SYT1: variants seen among roughly 807,000 people sequenced by gnomAD.
SYT1 encodes the protein synaptotagmin-1.
In SYT1, 8 loss-of-function variants were observed where a neutral mutation model predicts 44.8. The ratio of observed to expected loss-of-function variants is 0.18; its 90% confidence interval spans 0.10 to 0.32. The LOEUF (loss-of-function observed/expected upper bound fraction) is 0.32, where lower values mean the gene tolerates loss of function less well. Among genes scored for constraint, SYT1 ranks in the 10% least tolerant of loss-of-function variants. The pLI is 1.00. For missense variants in SYT1, 286 were observed against 509.3 expected (o/e 0.56, Z 4.22); for synonymous variants, 154 against 188.8 (o/e 0.82, Z 1.51).
chr12:78,911,215 T>C (rs185203390), intron 1 of SYT1, among the ~76,000 whole-genome samples: 86 of 152,094 alleles, frequency 5.7e-4, no homozygotes, highest in African/African-American at 2.0e-3. Context: ...TGTTATTCAT[T>C]GAGATAGAAA....
At chr12:78,875,231 G>A (rs1317889979) in intron 1 of SYT1, among the ~76,000 whole-genome samples, 2 of 151,348 alleles carry the variant, frequency 1.3e-5, no homozygotes, top group East Asian at 1.9e-4. Context: ...ATATTTCTTC[G>A]GTAAGTATGA....
chr12:78,998,438 T>A (rs1161799347), intron 2 of SYT1, among the ~76,000 whole-genome samples: 1 of 152,198 alleles, frequency 6.6e-6, no homozygotes, highest in East Asian at 1.9e-4. Context: ...ATCTGGATTA[T>A]GAGCACTCTG....
At chr12:78,920,698 C>T (rs1345392665) in intron 1 of SYT1, among the ~76,000 whole-genome samples, 1 of 151,906 alleles carries the variant, frequency 6.6e-6, no homozygotes, top group East Asian at 1.9e-4. Flanking sequence ...AATTCAAAAC[C>T]TTCTATGATC....
intron 3 of SYT1, among the ~76,000 whole-genome samples, chr12:79,065,106 C>T (rs1266081785): frequency 1.3e-5 from 2 of 152,166 alleles, no homozygotes; most frequent in Admixed American, 6.5e-5. Flanking sequence ...AGCGTAGTGG[C>T]TTGTGCCTGT....
chr12:79,179,121 GATATAGAT>G (rs1261932225), intron 3 of SYT1, among the ~76,000 whole-genome samples: 67 of 121,908 alleles, frequency 5.5e-4, no homozygotes, highest in African/African-American at 1.1e-3. Context: ...TATAGATATA[GATATAGAT>G]ATATAGATAT....
chr12:79,070,582 C>T (rs1876200461), intron 3 of SYT1, among the ~76,000 whole-genome samples: 2 of 151,924 alleles, frequency 1.3e-5, no homozygotes, highest in South Asian at 2.1e-4. Context: ...ATTTTTTAGG[C>T]GTTTTTCTCT....
rs764632637 is a variant in SYT1, at chr12:79,059,625, G to T, written c.-18+12263G>T. Among the ~76,000 whole-genome samples the T allele has an allele frequency of 4.6e-5, 7 of 152,074 alleles. No individual in the cohort carries two copies. In the South Asian group the frequency reaches 1.5e-3, roughly 32 times the overall value. On this transcript the variant is annotated intron_variant, in intron 3 of 10. Transcript: ENST00000261205. Reference sequence around the variant, plus strand: ...AAAATGTTTTCAGTAATAACTCCATGCACAATGATCAAACAAATGCTGTAC... The same window carrying T: ...AAAATGTTTTCAGTAATAACTCCATTCACAATGATCAAACAAATGCTGTAC...
At chr12:79,116,497 T>C (rs1157748771) in intron 3 of SYT1, among the ~76,000 whole-genome samples, 1 of 152,212 alleles carries the variant, frequency 6.6e-6, no homozygotes, top group Non-Finnish European at 1.5e-5. Context: ...CTTATTTGTG[T>C]CTTATTTCAT....
At chr12:79,213,590 CT>C (rs1354849623) in intron 3 of SYT1, among the ~76,000 whole-genome samples, 1 of 152,154 alleles carries the variant, frequency 6.6e-6, no homozygotes, top group African/African-American at 2.4e-5. Flanking sequence ...AGTAGAATAT[CT>C]TTTTTTCTGA....
rs867596494 is a variant in SYT1, at chr12:78,922,152, A to T, written c.-216-55647A>T. On this transcript the variant is annotated intron_variant, in intron 1 of 10. Coordinates refer to ENST00000261205, the MANE Select transcript of SYT1 (RefSeq NM_005639.3). ...AAAATAAGGTTTTATGAACTCTGAG[A>T]TTCTTTGAACAGTTTGAAGAACTTG... Among the ~76,000 whole-genome samples the T allele has an allele frequency of 2.0e-4, 30 of 152,064 alleles. 1 individual carries two copies. The highest frequency in any genetic ancestry group is 6.5e-4 in the African/African-American group (27 of 41,534).
intron 4 of SYT1, among the ~76,000 whole-genome samples, chr12:79,229,784 G>C (rs1376621084): frequency 1.3e-5 from 2 of 151,786 alleles, no homozygotes; most frequent in Non-Finnish European, 2.9e-5. Flanking sequence ...TAGTAGAGAC[G>C]GGGTTTCATC....
At chr12:79,062,170 T>C (rs1875439251) in intron 3 of SYT1, among the ~76,000 whole-genome samples, 1 of 152,156 alleles carries the variant, frequency 6.6e-6, no homozygotes, top group African/African-American at 2.4e-5. Context: ...GGTGAGGCAC[T>C]AAAGCCAGCT....
intron 3 of SYT1, among the ~76,000 whole-genome samples, chr12:79,158,913 A>G (rs1592803133): frequency 6.6e-6 from 1 of 152,094 alleles, no homozygotes; most frequent in African/African-American, 2.4e-5. Context: ...AAAAATTGAT[A>G]AAAGATAGGT....
At chr12:79,224,541 G>A (rs558252778) in intron 4 of SYT1, among the ~76,000 whole-genome samples, 42 of 152,036 alleles carry the variant, frequency 2.8e-4, no homozygotes, top group South Asian at 1.0e-3. Context: ...AGAGCAAGAA[G>A]CCCAGTGTGC....
chr12:79,359,824 A>G (rs904237687), intron 9 of SYT1, among the ~76,000 whole-genome samples: 1 of 152,148 alleles, frequency 6.6e-6, no homozygotes, highest in Non-Finnish European at 1.5e-5. Context: ...AATATTTGAG[A>G]TCATTTAGGA....
At chr12:79,091,301 TG>T (rs946250539) in intron 3 of SYT1, among the ~76,000 whole-genome samples, 1 of 151,974 alleles carries the variant, frequency 6.6e-6, no homozygotes, top group Non-Finnish European at 1.5e-5. Flanking sequence ...AGTAGAAAAA[TG>T]TCTCATTTTA....
intron 4 of SYT1, among the ~76,000 whole-genome samples, 197 bp from the exon 5 acceptor site, chr12:79,285,590 C>G (rs909872901): frequency 1.3e-5 from 2 of 151,964 alleles, no homozygotes; most frequent in African/African-American, 4.8e-5. Flanking sequence ...TCTGGAAGGG[C>G]AAAGTGGGAA....
At chr12:79,323,948 C>CTTTTTTTT (rs56962075) in intron 8 of SYT1, among the ~76,000 whole-genome samples, 36 of 112,616 alleles carry the variant, frequency 3.2e-4, no homozygotes, top group African/African-American at 4.3e-4. Flanking sequence ...TTTCTATTTT[C>CTTTTTTTT]TTTTTTTTTT....
At chr12:79,202,862 C>T (rs920919381) in intron 3 of SYT1, among the ~76,000 whole-genome samples, 1 of 152,160 alleles carries the variant, frequency 6.6e-6, no homozygotes, top group Non-Finnish European at 1.5e-5. Context: ...TAATTCACAT[C>T]AATTCAATTC....
Sources: allele counts gnomAD v4.1 joint callset (sites outside exome capture counted in the v4.1 genomes callset), GRCh38; gene constraint gnomAD v4.1.1; transcripts MANE v1.5; gene names NCBI Gene and HGNC (gene_info 2026-07-23, HGNC 2026-07-21).